The following KIT variants were observed in gnomAD, a reference collection of about 807,000 sequenced individuals.
KIT encodes mast/stem cell growth factor receptor Kit.
Under a neutral mutation model 105.7 loss-of-function variants are expected in KIT, and 16 were observed. That is an observed-to-expected ratio of 0.15 (90% confidence interval 0.10 to 0.23). The LOEUF (loss-of-function observed/expected upper bound fraction) is 0.23, where lower values mean the gene tolerates loss of function less well. Ranked by LOEUF, KIT falls within the 10% of genes least tolerant of loss-of-function variation. KIT has a pLI of 1.00. For synonymous variants in KIT, 438 were observed against 441.1 expected (o/e 0.99, Z 0.09); for missense variants, 858 against 1,213.8 (o/e 0.71, Z 4.36).
At chr4:54,676,637 T>C (rs1718493301) in intron 1 of KIT, among the ~76,000 whole-genome samples, 1 of 149,790 alleles carries the variant, frequency 6.7e-6, no homozygotes, top group South Asian at 2.1e-4. Flanking sequence ...ACAAATACGA[T>C]TGTGTCCTAC....
intron 2 of KIT, among the ~76,000 whole-genome samples, chr4:54,696,207 G>T (rs1720053141): frequency 6.6e-6 from 1 of 152,084 alleles, no homozygotes; most frequent in African/African-American, 2.4e-5. Context: ...CACTCTTAAG[G>T]AGTAAATTTC....
chr4:54,683,592 C>T (rs978852795), intron 1 of KIT, among the ~76,000 whole-genome samples: 2 of 152,128 alleles, frequency 1.3e-5, no homozygotes, highest in African/African-American at 4.8e-5. Flanking sequence ...TAACAGACAC[C>T]AAACATTTAA....
At chr4:54,717,553 G>A (rs1265791804) in intron 7 of KIT, among the ~76,000 whole-genome samples, 1 of 152,106 alleles carries the variant, frequency 6.6e-6, no homozygotes, top group Non-Finnish European at 1.5e-5. Flanking sequence ...CTAAACTTGG[G>A]TACATAGACT....
At position 54,709,517 on chromosome 4, in the gene KIT, A is replaced by T. The variant is rs1467087033; in HGVS notation, c.1209A>T (p.Ile403=). The T allele has an allele frequency of 6.2e-7, 1 of 1,608,062 alleles. No homozygotes were observed. The highest frequency in any genetic ancestry group is 1.3e-5 in the African/African-American group (1 of 74,818). The change falls in exon 7 of 21, where the codon ATA becomes ATT. Residue 403 remains isoleucine, a synonymous_variant. Coordinates refer to ENST00000288135, the MANE Select transcript of KIT (RefSeq NM_000222.3). ...LVSNSDVNAA[I]AFNVYVNTKP... Reference sequence around the variant, plus strand: ...CCAATTCTGACGTCAATGCTGCCATAGCATTTAATGTTTATGTGAATAGTA... The same window carrying T: ...CCAATTCTGACGTCAATGCTGCCATTGCATTTAATGTTTATGTGAATAGTA...
At chr4:54,717,661 C>T (rs1164802411) in intron 7 of KIT, among the ~76,000 whole-genome samples, 2 of 152,116 alleles carry the variant, frequency 1.3e-5, no homozygotes, top group Admixed American at 6.6e-5. Context: ...ATCAAATTAG[C>T]TTCCTTCATT....
chr4:54,719,021 G>A lies in KIT; in HGVS notation c.1232-4563G>A, dbSNP rs542919957. ...CAAAACCGGGATAGTGAAAAATTCC[G>A]GAAAAGCATTGCTTCATTGCCTTTA... On this transcript the variant is annotated intron_variant, in intron 7 of 20. Coordinates refer to ENST00000288135, the MANE Select transcript of KIT (RefSeq NM_000222.3). Among the ~76,000 whole-genome samples the A allele has an allele frequency of 9.9e-5, 15 of 152,214 alleles. No homozygotes were observed. The South Asian group carries it at 1.0e-3, about 11-fold the overall frequency.
In KIT at chr4:54,658,972, C is replaced by A. The variant is rs1717030462; in HGVS notation, c.67+891C>A. Among the ~76,000 whole-genome samples the A allele has an allele frequency of 2.0e-5, 3 of 152,328 alleles. No individual in the cohort carries two copies. In the South Asian group the frequency reaches 6.2e-4, roughly 32 times the overall value. The stretch of plus-strand genomic sequence containing the variant: ...CAAGGGACAGCGTGCTGGGACTCTG[C>A]GTTCCCTGACTCCAACCGCCTAGCA... On this transcript the variant is annotated intron_variant, in intron 1 of 20. Transcript: ENST00000288135.
chr4:54,663,145 G>A (rs531072984), intron 1 of KIT, among the ~76,000 whole-genome samples: 2 of 152,206 alleles, frequency 1.3e-5, no homozygotes, highest in Admixed American at 6.5e-5. Context: ...CTTTCTGACA[G>A]GTTTTCAACA....
chr4:54,726,597 C>T (rs1722227338), intron 9 of KIT, among the ~76,000 whole-genome samples: 1 of 152,080 alleles, frequency 6.6e-6, no homozygotes, highest in Non-Finnish European at 1.5e-5. Flanking sequence ...AGTGGGAAGA[C>T]AAAGAAACTG....
At chr4:54,678,328 CCTTCCTTCCTTCCTTCCTTCCT>C (rs1560381205) in intron 1 of KIT, among the ~76,000 whole-genome samples, 3 of 100,590 alleles carry the variant, frequency 3.0e-5, no homozygotes, top group East Asian at 2.9e-4. Flanking sequence ...TTCCTTCCTT[CCTTCCTTCCTTCCTTCCTTCCT>C]TCCCTCCCTC....
intron 7 of KIT, among the ~76,000 whole-genome samples, chr4:54,722,422 C>G (rs1322437792): frequency 6.6e-6 from 1 of 152,042 alleles, no homozygotes; most frequent in Admixed American, 6.5e-5. Flanking sequence ...CATGAGGGAA[C>G]AAAAATTTAG....
At chr4:54,732,060 T>TG in intron 16 of KIT, 62 bp downstream of exon 16, 1 of 1,527,108 alleles carries the variant, frequency 6.5e-7, no homozygotes, top group Non-Finnish European at 8.8e-7. Flanking sequence ...TTTTTTTTTT[T>TG]TTTTTTTTTT....
rs1479301504 is a variant in KIT at position 54,696,002 on chromosome 4, C to CAGGAA, written c.337+221_337+222insAGGAA. ...TGGAGGACTGCAGGACTGTGATACTCTTCCTAATGAGATTACAGTAGGTTT... is the reference window on the plus strand; with the variant it reads ...TGGAGGACTGCAGGACTGTGATACTCAGGAATTCCTAATGAGATTACAGTAGGTTT... On this transcript the variant is annotated intron_variant, in intron 2 of 20. Transcript: ENST00000288135. 8.4e-6 allele frequency: 5 copies of CAGGAA among 594,948 alleles called. No homozygotes were observed. The Admixed American group carries it at 1.5e-4, about 18-fold the overall frequency. 36.9% of individuals were successfully genotyped at this position (594,948 alleles called of 1,614,324 possible). A position where few individuals can be genotyped will look rare whatever the true frequency, so the allele number is the denominator to read the frequency against.
intron 1 of KIT, among the ~76,000 whole-genome samples, chr4:54,679,973 A>G (rs1411356212): frequency 6.6e-6 from 1 of 152,208 alleles, no homozygotes. Context: ...AAATTCATCC[A>G]GACAGAAAGT....
chr4:54,659,011 G>C (rs1185524486), intron 1 of KIT, among the ~76,000 whole-genome samples: 6 of 152,156 alleles, frequency 3.9e-5, no homozygotes, highest in Non-Finnish European at 8.8e-5. Context: ...CGGCCAGAGT[G>C]CCCGGCCTGC....
intron 20 of KIT, 140 bp downstream of exon 20, chr4:54,737,420 G>C: frequency 1.4e-6 from 1 of 713,698 alleles, no homozygotes; most frequent in Non-Finnish European, 2.6e-6. Context: ...TTCAGGTAGG[G>C]GAAGTAAAGC....
At chr4:54,696,227 A>G (rs921629433) in intron 2 of KIT, among the ~76,000 whole-genome samples, 1 of 152,166 alleles carries the variant, frequency 6.6e-6, no homozygotes, top group African/African-American at 2.4e-5. Flanking sequence ...CAGAAAAATA[A>G]TTTGGTCAGC....
At chr4:54,717,837 T>C (rs1280852311) in intron 7 of KIT, among the ~76,000 whole-genome samples, 2 of 152,202 alleles carry the variant, frequency 1.3e-5, no homozygotes, top group African/African-American at 4.8e-5. Context: ...AAGAGGCTTT[T>C]GTCCCATGCC....
intron 2 of KIT, among the ~76,000 whole-genome samples, chr4:54,697,412 A>G (rs907505907): frequency 6.6e-6 from 1 of 152,216 alleles, no homozygotes; most frequent in African/African-American, 2.4e-5. Context: ...CTAAACATGT[A>G]TCTGTATTAT....
Sources: allele counts gnomAD v4.1 joint callset (sites outside exome capture counted in the v4.1 genomes callset), GRCh38; gene constraint gnomAD v4.1.1; transcripts MANE v1.5; gene names NCBI Gene and HGNC (gene_info 2026-07-23, HGNC 2026-07-21).